TOM1L1: variants seen among roughly 807,000 people sequenced by gnomAD.
TOM1L1 encodes target of myb1 like 1 membrane trafficking protein.
A neutral mutation model predicts 63.4 loss-of-function variants in TOM1L1; 64 were observed. The observed-to-expected ratio is 1.01, with a 90% CI of 0.83 to 1.24. The LOEUF (loss-of-function observed/expected upper bound fraction) is 1.24, where lower values mean the gene tolerates loss of function less well. TOM1L1 is among the 50% of genes most tolerant of loss of function. The probability of loss-of-function intolerance (pLI) is 0.00; values close to 1 mark genes in which losing one functional copy is unlikely to be tolerated. For synonymous variants in TOM1L1, 166 were observed against 194.4 expected, an observed-to-expected ratio of 0.85 and a Z score of 1.22; for missense variants, 536 against 567.0, an observed-to-expected ratio of 0.95 and a Z score of 0.55.
intron 12 of TOM1L1, among the ~76,000 whole-genome samples, chr17:54,948,328 C>T (rs8066588): frequency 0.21 from 31,703 of 151,974 alleles, 3,874 homozygotes; most frequent in Non-Finnish European, 0.27. Context: ...GCTCAAAACC[C>T]ACCTGTGATT....
At position 54,937,051 on chromosome 17, in the gene TOM1L1, G is replaced by A. The variant is rs1480015011; in HGVS notation, c.916-58G>A. On this transcript the variant is annotated intron_variant, in intron 9 of 15. Coordinates refer to ENST00000575882, the MANE Select transcript of TOM1L1 (RefSeq NM_005486.3). Reference sequence around the variant, plus strand: ...CTCCCCTCTACAAAGGAGAAAGTATGGGGAGAAAGCTGTGATAAACTACAT... The same window carrying A: ...CTCCCCTCTACAAAGGAGAAAGTATAGGGAGAAAGCTGTGATAAACTACAT... 7.9e-6 allele frequency: 11 copies of A among 1,387,352 alleles called. No homozygotes were observed. In the East Asian group the frequency reaches 2.5e-4, roughly 32 times the overall value. The allele number at this position is 1,387,352 out of a possible 1,614,324, so 85.9% of individuals were successfully genotyped here. A position where few individuals can be genotyped will look rare whatever the true frequency, so the allele number is the denominator to read the frequency against.
chr17:54,910,222 G>A (rs557662558), intron 3 of TOM1L1, among the ~76,000 whole-genome samples: 7 of 152,298 alleles, frequency 4.6e-5, no homozygotes, highest in Middle Eastern at 3.4e-3. Flanking sequence ...TTGGGAGGCC[G>A]GGGTGGATGG....
At chr17:54,932,951 G>A (rs1197830211) in intron 8 of TOM1L1, among the ~76,000 whole-genome samples, 1 of 152,158 alleles carries the variant, frequency 6.6e-6, no homozygotes, top group Non-Finnish European at 1.5e-5. Flanking sequence ...CAGGAGATTG[G>A]ATTACTTCTG....
intron 14 of TOM1L1, chr17:54,957,860 TCA>T (rs1266444198): frequency 6.6e-6 from 1 of 152,238 alleles, no homozygotes; most frequent in Non-Finnish European, 1.5e-5. Flanking sequence ...TCCCTTGTCC[TCA>T]CAGAGGTTAA....
intron 7 of TOM1L1, 91 bp from the exon 8 acceptor site, chr17:54,929,982 G>T: frequency 6.6e-7 from 1 of 1,520,722 alleles, no homozygotes; most frequent in Admixed American, 1.8e-5. Context: ...TAACGTGGAG[G>T]TGACTGTAGG....
At chr17:54,905,397 A>G (rs759994240) in intron 2 of TOM1L1, 92 bp from the exon 3 acceptor site, 14 of 844,650 alleles carry the variant, frequency 1.7e-5, no homozygotes, top group Non-Finnish European at 2.3e-5. Context: ...CTCCTTAGCC[A>G]TTCCTCTCTC....
chr17:54,907,848 A>G (rs1598002940), intron 3 of TOM1L1, among the ~76,000 whole-genome samples: 1 of 152,156 alleles, frequency 6.6e-6, no homozygotes, highest in Non-Finnish European at 1.5e-5. Context: ...GGTGTTCACC[A>G]TTCATAACAA....
At chr17:54,927,820 C>T (rs1343335534) in intron 7 of TOM1L1, among the ~76,000 whole-genome samples, 2 of 152,170 alleles carry the variant, frequency 1.3e-5, no homozygotes, top group Admixed American at 6.5e-5. Flanking sequence ...AGTGGGCTGG[C>T]TTTTGAAGAC....
intron 11 of TOM1L1, among the ~76,000 whole-genome samples, chr17:54,939,328 G>A (rs1199105206): frequency 3.3e-5 from 5 of 152,156 alleles, no homozygotes; most frequent in Admixed American, 3.3e-4. Context: ...GCAGTGCAGT[G>A]CAGGCGATAT....
rs2077094943 is a variant in TOM1L1, at chr17:54,960,597, C to A, written c.1402C>A (p.His468Asn). 1 of 1,612,906 alleles carries A rather than the reference C, an allele frequency of 6.2e-7. No individual in the cohort carries two copies. The highest frequency in any genetic ancestry group is 1.7e-5 in the Admixed American group (1 of 59,992). The change falls in exon 15 of 16, where the codon CAC becomes AAC. Residue 468 changes from histidine to asparagine, a missense_variant. By Grantham distance (68) the His-to-Asn change is moderately conservative. Coordinates refer to ENST00000575882, the MANE Select transcript of TOM1L1 (RefSeq NM_005486.3). ...TTATGAAGAAATTGATGCTCACCAG[C>A]ACAAAGGAGCTCAAAATGATGGTGA... ...AIYEEIDAHQ[H>N]KGAQNDGD
At chr17:54,956,819 A>T (rs2049531188) in intron 14 of TOM1L1, 4 of 151,818 alleles carry the variant, frequency 2.6e-5, no homozygotes, top group Admixed American at 2.6e-4. Flanking sequence ...CAAAGCAGGA[A>T]AGTGACAGGA....
intron 14 of TOM1L1, chr17:54,954,439 C>T (rs556771848): frequency 6.6e-6 from 1 of 152,380 alleles, no homozygotes; most frequent in Non-Finnish European, 1.5e-5. Flanking sequence ...TGCGTTCCCA[C>T]TATGAGTGGT....
chr17:54,956,839 G>A (rs1484168607), intron 14 of TOM1L1: 1 of 150,028 alleles, frequency 6.7e-6, no homozygotes, highest in African/African-American at 2.5e-5. Flanking sequence ...AGGGTTTTAT[G>A]GGGTGATAGA....
At chr17:54,952,995 T>C (rs866087466) in intron 14 of TOM1L1, 2 of 152,254 alleles carry the variant, frequency 1.3e-5, no homozygotes, top group Non-Finnish European at 2.9e-5. Context: ...TTATTTCCTT[T>C]ATGAGACACA....
chr17:54,905,313 T>C (rs1471596593), intron 2 of TOM1L1, among the ~76,000 whole-genome samples, 176 bp from the exon 3 acceptor site: 2 of 152,222 alleles, frequency 1.3e-5, no homozygotes, highest in Non-Finnish European at 2.9e-5. Context: ...CCTGTATGCG[T>C]GAAGAAATTT....
At chr17:54,920,468 GA>G (rs1350336292) in intron 7 of TOM1L1, among the ~76,000 whole-genome samples, 1 of 152,076 alleles carries the variant, frequency 6.6e-6, no homozygotes, top group African/African-American at 2.4e-5. Flanking sequence ...AAGGATTACA[GA>G]AAAGGCTAAA....
chr17:54,926,739 A>G (rs2048775798), intron 7 of TOM1L1, among the ~76,000 whole-genome samples: 1 of 152,222 alleles, frequency 6.6e-6, no homozygotes, highest in South Asian at 2.1e-4. Context: ...TTAAGAGTAG[A>G]AAGGACTGTC....
chr17:54,914,989 A>C (rs1384362814), intron 6 of TOM1L1, among the ~76,000 whole-genome samples: 1 of 152,192 alleles, frequency 6.6e-6, no homozygotes, highest in Non-Finnish European at 1.5e-5. Context: ...AGCGGCTTTC[A>C]TGGCTTTCTG....
intron 8 of TOM1L1, chr17:54,936,441 A>G (rs2048947553): frequency 2.3e-6 from 1 of 437,998 alleles, no homozygotes; most frequent in Admixed American, 4.2e-5. Flanking sequence ...TTTTTTTTAA[A>G]TACTTTTCTA....
Sources: allele counts gnomAD v4.1 joint callset (sites outside exome capture counted in the v4.1 genomes callset), GRCh38; gene constraint gnomAD v4.1.1; transcripts MANE v1.5; gene names NCBI Gene and HGNC (gene_info 2026-07-23, HGNC 2026-07-21).